LRRC8B: variants seen among roughly 807,000 people sequenced by gnomAD.
LRRC8B encodes leucine rich repeat containing 8 VRAC subunit B.
A neutral mutation model predicts 58.8 loss-of-function variants in LRRC8B; 23 were observed. The ratio of observed to expected loss-of-function variants is 0.39; its 90% CI spans 0.28 to 0.55. The LOEUF is 0.55. Ranked by LOEUF, LRRC8B falls within the 20% of genes least tolerant of loss-of-function variation. The pLI is 0.62. For missense variants in LRRC8B, 694 were observed against 936.0 expected (o/e 0.74, Z 3.37); for synonymous variants, 359 against 374.1 (o/e 0.96, Z 0.47).
Position 89,582,734 on chromosome 1 carries a change from G to C in LRRC8B, c.84G>C (p.Trp28Cys), listed in dbSNP as rs1324012099. 2 of 1,614,028 alleles carry C rather than the reference G, an allele frequency of 1.2e-6. No individual in the cohort carries two copies. The highest frequency in any genetic ancestry group is 8.5e-7 in the Non-Finnish European group (1 of 1,180,036). ...TAAAACCATGGTGGGACGTCTTCTGGTATTACATCACACTGATCATGCTGC... is the reference window on the plus strand; with the variant it reads ...TAAAACCATGGTGGGACGTCTTCTGCTATTACATCACACTGATCATGCTGC... ...HILKPWWDVF[W>C]YYITLIMLLV... Residue 28 changes from tryptophan (W) to cysteine (C), a missense_variant, in exon 5 of 6, where the codon TGG becomes TGC. By Grantham distance (215) the Trp-to-Cys change is radical. Transcript: ENST00000330947.
intron 1 of LRRC8B, among the ~76,000 whole-genome samples, chr1:89,528,012 G>A (rs752290671): frequency 6.6e-6 from 1 of 152,002 alleles, no homozygotes; most frequent in Non-Finnish European, 1.5e-5. Context: ...TTTCCTTTTT[G>A]CCTTTCTGAC....
chr1:89,535,581 C>G (rs905347358), intron 1 of LRRC8B, among the ~76,000 whole-genome samples: 1 of 152,186 alleles, frequency 6.6e-6, no homozygotes, highest in Admixed American at 6.5e-5. Context: ...CTAGTAGAAA[C>G]TAATTTGATA....
intron 1 of LRRC8B, among the ~76,000 whole-genome samples, chr1:89,559,441 T>A (rs1652439682): frequency 6.6e-6 from 1 of 151,736 alleles, no homozygotes; most frequent in Non-Finnish European, 1.5e-5. Flanking sequence ...GTCCAGGAGT[T>A]TCAGCAACAT....
At position 89,582,700 on chromosome 1, in the gene LRRC8B, A is replaced by G; in HGVS notation, c.50A>G (p.Tyr17Cys). Reference protein sequence around the residue: ...LKCLADAQSSYHILKPWWDVF... With the variant: ...LKCLADAQSSCHILKPWWDVF... ...TGCTTAGCAGATGCCCAGTCATCTT[A>G]TCACATCTTAAAACCATGGTGGGAC... Residue 17 changes from tyrosine (Y) to cysteine (C), a missense_variant, in exon 5 of 6, where the codon TAT becomes TGT. By Grantham distance (194) the Tyr-to-Cys change is radical. Around this residue, in one of 5 missense-constraint regions of LRRC8B, gnomAD observed 316 missense variants for 403.8 expected, o/e 0.78. Coordinates refer to ENST00000330947, the MANE Select transcript of LRRC8B (RefSeq NM_001369817.2). 1 of 1,614,200 alleles carries G rather than the reference A, an allele frequency of 6.2e-7. No individual in the cohort carries two copies. The highest frequency in any genetic ancestry group is 1.1e-5 in the South Asian group (1 of 91,084).
chr1:89,584,912 A>G, intron 5 of LRRC8B, 123 bp downstream of exon 5: 3 of 652,830 alleles, frequency 4.6e-6, no homozygotes, highest in Admixed American at 3.4e-5. Context: ...CCGATCTTGC[A>G]TAAATTACCA....
At position 89,584,809 on chromosome 1, in the gene LRRC8B, C is replaced by A; in HGVS notation, c.2139+20C>A. 1 of 1,510,040 alleles carries A rather than the reference C, an allele frequency of 6.6e-7. No homozygotes were observed. The highest frequency in any genetic ancestry group is 1.2e-5 in the South Asian group (1 of 80,688). The allele number at this position is 1,510,040 out of a possible 1,614,324, so 93.5% of individuals were successfully genotyped here. On this transcript the variant is annotated intron_variant, in intron 5 of 5. Transcript: ENST00000330947. Reference sequence around the variant, plus strand: ...AACAATGTAAGTAAATCCATTCTTTCTTTTATTCAGTATCTGCCGTACTTA... The same window carrying A: ...AACAATGTAAGTAAATCCATTCTTTATTTTATTCAGTATCTGCCGTACTTA...
intron 1 of LRRC8B, among the ~76,000 whole-genome samples, chr1:89,544,714 C>T (rs922758911): frequency 1.3e-5 from 2 of 152,144 alleles, no homozygotes; most frequent in African/African-American, 4.8e-5. Context: ...CTTGATAAAT[C>T]CATCTATCCT....
intron 1 of LRRC8B, among the ~76,000 whole-genome samples, chr1:89,533,557 C>T (rs1216089571): frequency 6.6e-6 from 1 of 152,174 alleles, no homozygotes; most frequent in Non-Finnish European, 1.5e-5. Flanking sequence ...CTGAAAGACC[C>T]TTCCTGACAC....
chr1:89,549,910 C>G lies in LRRC8B; in HGVS notation c.-240-18337C>G, dbSNP rs182677495. 3 of 152,248 alleles carry G rather than the reference C, an allele frequency of 2.0e-5. No individual in the cohort carries two copies. The East Asian group carries it at 5.8e-4, about 29-fold the overall frequency. 9.4% of individuals were successfully genotyped at this position (152,248 alleles called of 1,614,324 possible). On this transcript the variant is annotated intron_variant, in intron 1 of 5. Coordinates refer to ENST00000330947, the MANE Select transcript of LRRC8B (RefSeq NM_001369817.2). Reference sequence around the variant, plus strand: ...AAACTCATTTATATTTTTTCCTCTCCCTAGGGCTCCAGTTTGTGTTTTCAG... The same window carrying G: ...AAACTCATTTATATTTTTTCCTCTCGCTAGGGCTCCAGTTTGTGTTTTCAG...
chr1:89,562,745 C>T (rs1206614187), intron 1 of LRRC8B, among the ~76,000 whole-genome samples: 1 of 152,164 alleles, frequency 6.6e-6, no homozygotes, highest in East Asian at 1.9e-4. Context: ...GCTGGGATTA[C>T]AGGCATGAGC....
chr1:89,525,139 T>G (rs960670848), intron 1 of LRRC8B, 117 bp downstream of exon 1: 13 of 152,458 alleles, frequency 8.5e-5, no homozygotes, highest in Non-Finnish European at 1.8e-4. Context: ...CAGGTGCGGT[T>G]ACCTGTTCAC....
intron 1 of LRRC8B, among the ~76,000 whole-genome samples, chr1:89,556,200 G>A (rs904515777): frequency 6.6e-6 from 1 of 152,130 alleles, no homozygotes. Flanking sequence ...AAACAATGGA[G>A]TTCAGGTAGC....
At chr1:89,528,465 G>T (rs1030313093) in intron 1 of LRRC8B, among the ~76,000 whole-genome samples, 1 of 152,120 alleles carries the variant, frequency 6.6e-6, no homozygotes, top group African/African-American at 2.4e-5. Flanking sequence ...CAAATTACAA[G>T]CAAGAGTTCT....
chr1:89,553,432 C>T (rs919644344), intron 1 of LRRC8B, among the ~76,000 whole-genome samples: 4 of 152,144 alleles, frequency 2.6e-5, no homozygotes. Flanking sequence ...CATGTTTAAC[C>T]TGGCCCAGAA....
intron 3 of LRRC8B, among the ~76,000 whole-genome samples, chr1:89,579,269 A>T (rs1345147114): frequency 6.6e-6 from 1 of 152,218 alleles, no homozygotes; most frequent in Non-Finnish European, 1.5e-5. Flanking sequence ...TTGCTGTGGG[A>T]ACTAACCTGT....
rs1161880718 is a variant in LRRC8B, at chr1:89,524,945, G to C, written c.-318G>C. The C allele has an allele frequency of 2.6e-5, 4 of 152,210 alleles. No homozygotes were observed. Among genetic ancestry groups the C allele is most frequent in the Admixed American group, 6.6e-5 (1 of 15,264 alleles). 9.4% of individuals were successfully genotyped at this position (152,210 alleles called of 1,614,324 possible). A position where few individuals can be genotyped will look rare whatever the true frequency, so the allele number is the denominator to read the frequency against. The stretch of plus-strand genomic sequence containing the variant: ...CGGCAGCCGGGAAAGTGCGGGCGCG[G>C]GGCCGCAGCCTGCCCGCCCGGAGCG... On this transcript the variant is annotated 5_prime_UTR_variant, in exon 1 of 6. Coordinates refer to ENST00000330947, the MANE Select transcript of LRRC8B (RefSeq NM_001369817.2).
intron 5 of LRRC8B, among the ~76,000 whole-genome samples, chr1:89,591,245 A>G (rs1654954294): frequency 6.6e-6 from 1 of 152,190 alleles, no homozygotes; most frequent in Admixed American, 6.5e-5. Context: ...ATAGGCACCA[A>G]CAAGCACTCT....
chr1:89,554,630 T>TG (rs1652048212), intron 1 of LRRC8B, among the ~76,000 whole-genome samples: 1 of 152,196 alleles, frequency 6.6e-6, no homozygotes, highest in South Asian at 2.1e-4. Flanking sequence ...CACTTGCTGT[T>TG]GGTGACACAA....
intron 1 of LRRC8B, among the ~76,000 whole-genome samples, chr1:89,529,617 T>C (rs921608141): frequency 1.3e-5 from 2 of 152,176 alleles, no homozygotes; most frequent in Admixed American, 6.5e-5. Context: ...TGGCCTAACT[T>C]GTGTGAGCCT....
Sources: gnomAD v4.1 joint callset for allele counts (sites outside exome capture counted in the v4.1 genomes callset) on GRCh38, gnomAD v4.1.1 for gene constraint, gnomAD v4.1.1 regional missense constraint, MANE v1.5 for transcripts, NCBI Gene and HGNC (gene_info 2026-07-23, HGNC 2026-07-21) for gene names.